The following GALNT2 variants were observed in gnomAD, a reference collection of about 807,000 sequenced individuals.
The protein encoded by GALNT2 is UDP-GalNAc:polypeptide N-acetylgalactosaminyltransferase 2.
A neutral mutation model predicts 81.4 loss-of-function variants in GALNT2; 31 were observed. The observed-to-expected ratio is 0.38, with a 90% CI of 0.29 to 0.51. The LOEUF (loss-of-function observed/expected upper bound fraction) is 0.51. GALNT2 is among the 20% of genes least tolerant of loss of function. The pLI, the probability that GALNT2 is intolerant of heterozygous loss-of-function variation, is 0.87. For missense variants in GALNT2, 629 were observed against 765.7 expected, an observed-to-expected ratio of 0.82 and a Z score of 2.11; for synonymous variants, 303 against 287.4, an observed-to-expected ratio of 1.05 and a Z score of -0.55.
intron 2 of GALNT2, among the ~76,000 whole-genome samples, chr1:230,197,770 G>A (rs982109603): frequency 2.0e-5 from 3 of 152,052 alleles, no homozygotes; most frequent in Admixed American, 6.5e-5. Flanking sequence ...GTGTGCATGC[G>A]TGCGTACATG....
At chr1:230,080,387 T>G (rs1182835540) in intron 1 of GALNT2, among the ~76,000 whole-genome samples, 2 of 152,232 alleles carry the variant, frequency 1.3e-5, no homozygotes, top group Non-Finnish European at 1.5e-5. Flanking sequence ...GGAGCAGGCC[T>G]TGACATCAGG....
intron 1 of GALNT2, among the ~76,000 whole-genome samples, chr1:230,168,180 G>T (rs1662674421): frequency 8.9e-6 from 1 of 112,984 alleles, no homozygotes; most frequent in African/African-American, 2.5e-5. Flanking sequence ...TCCTTAAAGT[G>T]TCGGGCGCTC....
In GALNT2 at chr1:230,221,222, A is replaced by G. The variant is rs114480773; in HGVS notation, c.375-14792A>G. On this transcript the variant is annotated intron_variant, in intron 3 of 15. Coordinates refer to ENST00000366672, the MANE Select transcript of GALNT2 (RefSeq NM_004481.5). ...AGGAAATATTTTCTAGGACTGTTAA[A>G]TATATAACTTTCCCTTATAAAAGCT... is the stretch of plus-strand genomic sequence containing the variant. Among the ~76,000 whole-genome samples, 815 of 152,322 alleles carry G rather than the reference A, an allele frequency of 5.4e-3. 4 individuals are homozygous for G. The highest frequency in any genetic ancestry group is 8.2e-3 in the Non-Finnish European group (556 of 68,034).
chr1:230,201,842 G>A (rs1431908315), intron 2 of GALNT2, among the ~76,000 whole-genome samples: 1 of 152,072 alleles, frequency 6.6e-6, no homozygotes, highest in East Asian at 1.9e-4. Context: ...CCCTGCCTTT[G>A]TTCAGTTATC....
At chr1:230,109,302 T>A (rs372600583) in intron 1 of GALNT2, among the ~76,000 whole-genome samples, 1 of 152,026 alleles carries the variant, frequency 6.6e-6, no homozygotes, top group East Asian at 1.9e-4. Context: ...CAGTGGTGGT[T>A]GGGGGCCCTG....
intron 1 of GALNT2, among the ~76,000 whole-genome samples, chr1:230,139,806 T>G (rs1432690397): frequency 6.6e-6 from 1 of 152,238 alleles, no homozygotes; most frequent in Non-Finnish European, 1.5e-5. Context: ...CTATGAAGAT[T>G]ACTCAGGTTT....
chr1:230,058,613 A>T (rs1373827587), intron 1 of GALNT2, among the ~76,000 whole-genome samples: 1 of 152,240 alleles, frequency 6.6e-6, no homozygotes, highest in Non-Finnish European at 1.5e-5. Context: ...ACTGTTGCGA[A>T]GATTTAATAA....
At chr1:230,174,915 C>T (rs953022805) in intron 1 of GALNT2, among the ~76,000 whole-genome samples, 3 of 152,204 alleles carry the variant, frequency 2.0e-5, no homozygotes, top group Non-Finnish European at 4.4e-5. Context: ...AGGTCTCCAC[C>T]GAGGTACCAC....
intron 3 of GALNT2, among the ~76,000 whole-genome samples, chr1:230,205,370 G>A (rs1572085297): frequency 6.6e-6 from 1 of 152,156 alleles, no homozygotes; most frequent in Non-Finnish European, 1.5e-5. Context: ...AAGTGTGTGT[G>A]TGTGTTTGTG....
chr1:230,209,430 A>G (rs1401795253), intron 3 of GALNT2, among the ~76,000 whole-genome samples: 2 of 152,012 alleles, frequency 1.3e-5, no homozygotes, highest in East Asian at 3.9e-4. Flanking sequence ...TTTTTTCCCT[A>G]CCATGTGAGC....
chr1:230,080,907 C>T (rs987433597), intron 1 of GALNT2, among the ~76,000 whole-genome samples: 6 of 152,206 alleles, frequency 3.9e-5, no homozygotes, highest in African/African-American at 1.4e-4. Context: ...CTAATGTCAA[C>T]TGTCACTTTG....
intron 1 of GALNT2, among the ~76,000 whole-genome samples, chr1:230,162,588 A>C (rs1248348871): frequency 6.6e-6 from 1 of 152,160 alleles, no homozygotes; most frequent in Non-Finnish European, 1.5e-5. Flanking sequence ...GGTCCTAGGA[A>C]CCAGAACTTG....
intron 1 of GALNT2, among the ~76,000 whole-genome samples, chr1:230,120,565 C>G (rs1227960492): frequency 6.6e-6 from 1 of 152,116 alleles, no homozygotes; most frequent in Non-Finnish European, 1.5e-5. Flanking sequence ...GTCGCCTGTG[C>G]CAGCTGGACA....
chr1:230,230,982 T>C (rs1020450813), intron 3 of GALNT2, among the ~76,000 whole-genome samples: 1 of 152,160 alleles, frequency 6.6e-6, no homozygotes. Context: ...TATTTAAATA[T>C]GTTTCCTCAT....
intron 2 of GALNT2, among the ~76,000 whole-genome samples, chr1:230,187,878 GCTGTTTCTTCTCTCCTTCTCT>G (rs1377162772): frequency 1.4e-4 from 21 of 151,494 alleles, no homozygotes; most frequent in African/African-American, 4.1e-4. Context: ...CCAACATCCG[GCTGTTTCTTCTCTCCTTCTCT>G]ATTGCTTTGC....
intron 1 of GALNT2, among the ~76,000 whole-genome samples, chr1:230,147,746 T>C (rs1661964202): frequency 6.6e-6 from 1 of 152,224 alleles, no homozygotes; most frequent in South Asian, 2.1e-4. Context: ...TCCTGCCCTG[T>C]TGCCCTCTTC....
intron 1 of GALNT2, among the ~76,000 whole-genome samples, chr1:230,119,259 G>T (rs1050297151): frequency 6.6e-6 from 1 of 152,038 alleles, no homozygotes; most frequent in African/African-American, 2.4e-5. Flanking sequence ...TGACTTGTGC[G>T]TACAGGTTTT....
chr1:230,268,573 CAG>C (rs1318923395), intron 14 of GALNT2: 2 of 152,276 alleles, frequency 1.3e-5, no homozygotes, highest in African/African-American at 4.8e-5. Context: ...AGTTCGTCAT[CAG>C]AGTCTCGGGC....
At chr1:230,087,277 A>G (rs1659928802) in intron 1 of GALNT2, among the ~76,000 whole-genome samples, 1 of 152,252 alleles carries the variant, frequency 6.6e-6, no homozygotes, top group Non-Finnish European at 1.5e-5. Flanking sequence ...TCATCTGATG[A>G]CCGGTACTAA....
Sources: allele counts gnomAD v4.1 joint callset (sites outside exome capture counted in the v4.1 genomes callset), GRCh38; gene constraint gnomAD v4.1.1; transcripts MANE v1.5; gene names NCBI Gene and HGNC (gene_info 2026-07-23, HGNC 2026-07-21).